The following CXCL13 variants were observed in gnomAD, a reference collection of about 807,000 sequenced individuals.
CXCL13 encodes the protein C-X-C motif chemokine ligand 13, also known as C-X-C motif chemokine 13.
In CXCL13, 7 loss-of-function variants were observed where a neutral mutation model predicts 12.2. The observed-to-expected ratio is 0.57, with a 90% CI of 0.33 to 1.07. CXCL13 has a LOEUF of 1.07. Among genes scored for constraint, CXCL13 ranks in the 50% least tolerant of loss-of-function variants. The pLI is 0.04. For synonymous variants in CXCL13, 47 were observed against 42.4 expected, an observed-to-expected ratio of 1.11 and a Z score of -0.42; for missense variants, 113 against 127.4, an observed-to-expected ratio of 0.89 and a Z score of 0.55.
intron 1 of CXCL13, among the ~76,000 whole-genome samples, chr4:77,538,311 GT>G (rs1016195298): frequency 8.7e-5 from 13 of 149,630 alleles, no homozygotes; most frequent in East Asian, 2.0e-4. Flanking sequence ...AAGAGTTGTG[GT>G]TTTTTTTTGT....
chr4:77,568,409 G>C (rs183461406), intron 1 of CXCL13, among the ~76,000 whole-genome samples: 1 of 152,024 alleles, frequency 6.6e-6, no homozygotes, highest in African/African-American at 2.4e-5. Flanking sequence ...CTCTCCAACC[G>C]TTTCTCTTTA....
chr4:77,608,606 T>C (rs552937582), intron 2 of CXCL13, among the ~76,000 whole-genome samples: 2 of 152,314 alleles, frequency 1.3e-5, no homozygotes, highest in African/African-American at 4.8e-5. Flanking sequence ...TGGACTTCTT[T>C]AGATTTTTGC....
chr4:77,562,346 G>T (rs1003335140), intron 1 of CXCL13, among the ~76,000 whole-genome samples: 1 of 152,036 alleles, frequency 6.6e-6, no homozygotes, highest in Non-Finnish European at 1.5e-5. Flanking sequence ...CACGGGATTG[G>T]CAGGAAGCTC....
In CXCL13 at chr4:77,571,348, C is replaced by T. The variant is rs941691701; in HGVS notation, c.-42-34476C>T. Among the ~76,000 whole-genome samples the T allele has an allele frequency of 6.0e-5, 9 of 149,310 alleles. 1 individual carries two copies. The highest frequency in any genetic ancestry group is 2.0e-4 in the Admixed American group (3 of 15,034). On this transcript the variant is annotated intron_variant, in intron 1 of 4. Coordinates refer to the CXCL13 transcript ENST00000286758. ...GCTCAAGGTTTGTGAGTGCACCAAT[C>T]GACACTCTGTATCTAGCTGCTCTGG...
Position 77,519,213 on chromosome 4 carries a change from C to T in CXCL13, c.-43+7425C>T, listed in dbSNP as rs187008704. ...GTCAGTCTGCCCCTACTGGGGGATG[C>T]CTCCCAGTTAGGCTGCTCAGGGGTC... On this transcript the variant is annotated intron_variant, in intron 1 of 4. Coordinates refer to the CXCL13 transcript ENST00000286758. Among the ~76,000 whole-genome samples, 1,153 of 152,228 alleles carry T rather than the reference C, an allele frequency of 7.6e-3. 14 individuals carry two copies. Among genetic ancestry groups the T allele is most frequent in the African/African-American group, 0.025 (1,041 of 41,508 alleles).
upstream of CXCL13, among the ~76,000 whole-genome samples, chr4:77,601,208 C>A (rs1463845326): frequency 6.6e-6 from 1 of 152,112 alleles, no homozygotes; most frequent in Non-Finnish European, 1.5e-5. Flanking sequence ...TGAAAAATGT[C>A]TTTTCTGCAG....
chr4:77,531,429 G>A (rs546839179), intron 1 of CXCL13, among the ~76,000 whole-genome samples: 4 of 151,566 alleles, frequency 2.6e-5, no homozygotes, highest in Admixed American at 6.6e-5. Context: ...TATAATTTCT[G>A]TTCTTCTACA....
intron 1 of CXCL13, among the ~76,000 whole-genome samples, chr4:77,554,814 T>C (rs1459865614): frequency 6.6e-6 from 1 of 152,076 alleles, no homozygotes; most frequent in Non-Finnish European, 1.5e-5. Flanking sequence ...TGTTTGGAGA[T>C]TAAACATCTC....
intron 1 of CXCL13, among the ~76,000 whole-genome samples, chr4:77,536,706 A>G (rs544152082): frequency 2.7e-4 from 41 of 152,340 alleles, no homozygotes; most frequent in African/African-American, 9.1e-4. Context: ...TGGCAAAGAA[A>G]CAAGAGGAAA....
chr4:77,572,381 A>G (rs376670000), intron 1 of CXCL13, among the ~76,000 whole-genome samples: 1 of 151,924 alleles, frequency 6.6e-6, no homozygotes, highest in African/African-American at 2.4e-5. Flanking sequence ...AGCCTGGGTG[A>G]CAGAGTGAGA....
intron 1 of CXCL13, among the ~76,000 whole-genome samples, chr4:77,576,395 C>T (rs958261969): frequency 6.6e-6 from 1 of 152,170 alleles, no homozygotes; most frequent in African/African-American, 2.4e-5. Context: ...TCTCTCTCTG[C>T]CTGGCTTCTC....
chr4:77,545,263 G>T (rs940168263), intron 1 of CXCL13, among the ~76,000 whole-genome samples: 1 of 152,158 alleles, frequency 6.6e-6, no homozygotes, highest in Non-Finnish European at 1.5e-5. Context: ...CTTTAAAGTA[G>T]TTTTTTCTAA....
At chr4:77,513,219 T>G (rs1560510952) in intron 1 of CXCL13, among the ~76,000 whole-genome samples, 1 of 152,170 alleles carries the variant, frequency 6.6e-6, no homozygotes, top group Non-Finnish European at 1.5e-5. Context: ...GTTCCAAGTC[T>G]TTGCTATTGT....
intron 1 of CXCL13, among the ~76,000 whole-genome samples, chr4:77,599,478 G>A (rs1171187135): frequency 6.6e-6 from 1 of 152,222 alleles, no homozygotes; most frequent in Non-Finnish European, 1.5e-5. Context: ...TTGATTCACA[G>A]TTGGTTGGAT....
chr4:77,547,120 G>A (rs1725386211), intron 1 of CXCL13, among the ~76,000 whole-genome samples: 1 of 152,114 alleles, frequency 6.6e-6, no homozygotes, highest in African/African-American at 2.4e-5. Flanking sequence ...TGTTGTGATT[G>A]CTGTTCTTTT....
intron 1 of CXCL13, among the ~76,000 whole-genome samples, chr4:77,576,090 T>A (rs1467307440): frequency 6.6e-6 from 1 of 151,918 alleles, no homozygotes; most frequent in Admixed American, 6.6e-5. Context: ...TACAGAACTT[T>A]GACAGGTACT....
At chr4:77,549,647 C>A (rs985063643) in intron 1 of CXCL13, among the ~76,000 whole-genome samples, 3 of 152,156 alleles carry the variant, frequency 2.0e-5, no homozygotes, top group African/African-American at 7.2e-5. Context: ...CCCCTGTTTG[C>A]CTGGGTATCA....
At chr4:77,599,024 G>C (rs1439381568) in intron 1 of CXCL13, among the ~76,000 whole-genome samples, 2 of 152,038 alleles carry the variant, frequency 1.3e-5, no homozygotes, top group Non-Finnish European at 2.9e-5. Flanking sequence ...GGCCAGGCTG[G>C]TCTTGAACTC....
chr4:77,532,613 T>G (rs1014424167), intron 1 of CXCL13, among the ~76,000 whole-genome samples: 1 of 152,226 alleles, frequency 6.6e-6, no homozygotes, highest in African/African-American at 2.4e-5. Flanking sequence ...ATTGGGGAAA[T>G]TCTCCTGGAT....
Sources: gnomAD v4.1 joint callset for allele counts (sites outside exome capture counted in the v4.1 genomes callset) on GRCh38, gnomAD v4.1.1 for gene constraint, MANE v1.5 for transcripts, NCBI Gene and HGNC (gene_info 2026-07-23, HGNC 2026-07-21) for gene names.